The following PARP8 variants were observed in gnomAD, a reference collection of about 807,000 sequenced individuals.
PARP8 encodes poly(ADP-ribose) polymerase family member 8, also known as protein mono-ADP-ribosyltransferase PARP8.
A neutral mutation model predicts 124.1 loss-of-function variants in PARP8; 51 were observed. The observed-to-expected ratio is 0.41, with a 90% CI of 0.33 to 0.52. The LOEUF is 0.52. PARP8 is among the 20% of genes least tolerant of loss of function. PARP8 has a pLI of 0.21. For missense variants in PARP8, 860 were observed against 1,018.9 expected (o/e 0.84, Z 2.12); for synonymous variants, 391 against 361.5 (o/e 1.08, Z -0.93).
At chr5:50,748,730 TTTTA>T (rs1329387552) in intron 2 of PARP8, among the ~76,000 whole-genome samples, 2 of 152,188 alleles carry the variant, frequency 1.3e-5, no homozygotes, top group African/African-American at 4.8e-5. Flanking sequence ...TAATATGTCG[TTTTA>T]TTTTTCTCTG....
intron 23 of PARP8, chr5:50,833,278 A>G (rs1747188721): frequency 3.3e-6 from 1 of 301,478 alleles, no homozygotes; most frequent in African/African-American, 2.2e-5. Flanking sequence ...GTTAAATGGG[A>G]TGGTCAGGAA....
intron 2 of PARP8, among the ~76,000 whole-genome samples, chr5:50,713,404 C>T (rs147349732): frequency 5.9e-4 from 90 of 152,000 alleles, no homozygotes; most frequent in African/African-American, 2.1e-3. Context: ...CTATGCCTGG[C>T]TAATTTTGGT....
At chr5:50,785,770 C>A (rs1741179493) in intron 9 of PARP8, among the ~76,000 whole-genome samples, 1 of 152,054 alleles carries the variant, frequency 6.6e-6, no homozygotes, top group African/African-American at 2.4e-5. Context: ...GAGTAGTGGC[C>A]AACAGGGGAT....
chr5:50,844,919 G>A lies in PARP8; in HGVS notation c.*2851G>A, dbSNP rs1341669800. 1 of 151,108 alleles carries A rather than the reference G, an allele frequency of 6.6e-6. No individual in the cohort carries two copies. The highest frequency in any genetic ancestry group is 1.9e-4 in the East Asian group (1 of 5,150). 9.4% of individuals were successfully genotyped at this position (151,108 alleles called of 1,614,324 possible). ...TAAGACACTTTTGGTGTCTTCGAGTGCACTATGTTGGAATAAATTTTATAC... is the reference window on the plus strand; with the variant it reads ...TAAGACACTTTTGGTGTCTTCGAGTACACTATGTTGGAATAAATTTTATAC... On this transcript the variant is annotated 3_prime_UTR_variant, in exon 26 of 26. Coordinates refer to ENST00000281631, the MANE Select transcript of PARP8 (RefSeq NM_024615.4).
chr5:50,741,814 CTTTTTTTTT>C (rs558645653), intron 2 of PARP8: 5 of 395,442 alleles, frequency 1.3e-5, no homozygotes, highest in African/African-American at 6.7e-5. Context: ...TTCTTTTCTT[CTTTTTTTTT>C]TTTTTAGGTA....
intron 2 of PARP8, among the ~76,000 whole-genome samples, chr5:50,699,893 C>G (rs1195947576): frequency 1.3e-5 from 2 of 152,066 alleles, no homozygotes; most frequent in African/African-American, 2.4e-5. Context: ...TTCTACTCTG[C>G]CTGACACATT....
intron 25 of PARP8, among the ~76,000 whole-genome samples, chr5:50,836,025 T>G (rs1747544245): frequency 6.6e-6 from 1 of 152,184 alleles, no homozygotes; most frequent in Admixed American, 6.6e-5. Context: ...TAAGGTTGCT[T>G]CGGTATACTG....
chr5:50,799,477 G>C (rs1742947632), intron 14 of PARP8, among the ~76,000 whole-genome samples: 1 of 152,164 alleles, frequency 6.6e-6, no homozygotes, highest in African/African-American at 2.4e-5. Flanking sequence ...TTGCTTTATA[G>C]TAAGTTTGAA....
At chr5:50,724,914 C>T (rs1199935100) in intron 2 of PARP8, among the ~76,000 whole-genome samples, 2 of 151,930 alleles carry the variant, frequency 1.3e-5, no homozygotes, top group Non-Finnish European at 2.9e-5. Context: ...TTTGCGTACT[C>T]GTAGCTTAGC....
chr5:50,771,138 CATATATATA>C (rs1761588781), intron 7 of PARP8, among the ~76,000 whole-genome samples: 1 of 150,188 alleles, frequency 6.7e-6, no homozygotes, highest in Non-Finnish European at 1.5e-5. Flanking sequence ...TATATATACA[CATATATATA>C]ATATATATAT....
intron 2 of PARP8, among the ~76,000 whole-genome samples, chr5:50,705,621 C>T (rs930336178): frequency 1.3e-5 from 2 of 152,046 alleles, no homozygotes; most frequent in African/African-American, 2.4e-5. Context: ...CCCATCTTTA[C>T]TAAAGATACA....
At chr5:50,675,941 A>C (rs910846637) in intron 2 of PARP8, among the ~76,000 whole-genome samples, 1 of 152,256 alleles carries the variant, frequency 6.6e-6, no homozygotes, top group Non-Finnish European at 1.5e-5. Context: ...CTAGTTTCTT[A>C]AATGACTAGT....
At chr5:50,748,413 C>A (rs1228953647) in intron 2 of PARP8, among the ~76,000 whole-genome samples, 1 of 151,990 alleles carries the variant, frequency 6.6e-6, no homozygotes, top group East Asian at 1.9e-4. Flanking sequence ...TTTTAACAGT[C>A]GAATGTATTT....
intron 7 of PARP8, among the ~76,000 whole-genome samples, chr5:50,772,681 T>TTTATTA (rs1205100475): frequency 4.7e-4 from 71 of 150,278 alleles, no homozygotes; most frequent in African/African-American, 1.6e-3. Context: ...TCTTTTGCCT[T>TTTATTA]TTATTTTTAT....
At chr5:50,746,434 G>A (rs988469079) in intron 2 of PARP8, among the ~76,000 whole-genome samples, 1 of 152,170 alleles carries the variant, frequency 6.6e-6, no homozygotes, top group Non-Finnish European at 1.5e-5. Context: ...TCAGTTTCCA[G>A]GATTTGATAT....
At chr5:50,706,622 T>A (rs1754176294) in intron 2 of PARP8, among the ~76,000 whole-genome samples, 1 of 152,154 alleles carries the variant, frequency 6.6e-6, no homozygotes. Flanking sequence ...TTAAGACTAT[T>A]TTCTCAGCAT....
At chr5:50,731,586 A>AGTATGATGGGAAATG (rs2149519001) in intron 2 of PARP8, among the ~76,000 whole-genome samples, 1 of 152,312 alleles carries the variant, frequency 6.6e-6, no homozygotes, top group South Asian at 2.1e-4. Flanking sequence ...TCCTGATCGT[A>AGTATGATGGGAAATG]GTATGATGGG....
intron 3 of PARP8, among the ~76,000 whole-genome samples, chr5:50,753,675 C>A (rs190777844): frequency 2.0e-5 from 3 of 151,832 alleles, no homozygotes; most frequent in Admixed American, 6.6e-5. Flanking sequence ...TAATAATTGA[C>A]TGCTATAGGG....
intron 7 of PARP8, among the ~76,000 whole-genome samples, chr5:50,770,913 C>A (rs1423433131): frequency 1.3e-5 from 2 of 151,694 alleles, no homozygotes; most frequent in Non-Finnish European, 2.9e-5. Flanking sequence ...ACTTTCATAC[C>A]GAAATTTGCA....
Sources: gnomAD v4.1 joint callset for allele counts (sites outside exome capture counted in the v4.1 genomes callset) on GRCh38, gnomAD v4.1.1 for gene constraint, MANE v1.5 for transcripts, NCBI Gene and HGNC (gene_info 2026-07-23, HGNC 2026-07-21) for gene names.